The following LLPH variants were observed in gnomAD, a reference collection of about 807,000 sequenced individuals.
The protein encoded by LLPH is LLP homolog, long-term synaptic facilitation factor, also known as protein LLP homolog.
LLPH carries 5 observed loss-of-function variants against 13.3 expected under a neutral mutation model. That is an observed-to-expected ratio of 0.38 (90% CI 0.20 to 0.79). The LOEUF (loss-of-function observed/expected upper bound fraction) is 0.79. LLPH is among the 30% of genes least tolerant of loss of function. The pLI, the probability that LLPH is intolerant of heterozygous loss-of-function variation, is 0.45. For synonymous variants in LLPH, 32 were observed against 44.2 expected (o/e 0.72, Z 1.09); for missense variants, 129 against 152.1 (o/e 0.85, Z 0.80).
At position 66,123,464 on chromosome 12, in the gene LLPH, TTTC is replaced by T. The variant is rs1176199703; in HGVS notation, c.*373_*375del. On this transcript the variant is annotated 3_prime_UTR_variant, in exon 3 of 3. Transcript: ENST00000266604. Reference sequence around the variant, plus strand: ...TTAAATGATATGATTATACAACAACTTTCTTTAAAATCTAAGTTCACAAAAATT... The same window carrying T: ...TTAAATGATATGATTATACAACAACTTTTAAAATCTAAGTTCACAAAAATT... The T allele has an allele frequency of 1.1e-5, 2 of 186,374 alleles. No individual in the cohort carries two copies. The highest frequency in any genetic ancestry group is 4.7e-5 in the African/African-American group (2 of 42,408). 11.5% of individuals were successfully genotyped at this position (186,374 alleles called of 1,614,324 possible). A position where few individuals can be genotyped will look rare whatever the true frequency, so the allele number is the denominator to read the frequency against.
intron 2 of LLPH, 24 bp from the exon 3 acceptor site, chr12:66,124,042 A>G: frequency 6.5e-7 from 1 of 1,540,474 alleles, no homozygotes; most frequent in East Asian, 2.3e-5. Context: ...TGGAAAAACT[A>G]TTAACACCAT....
rs1425313916 is a variant in LLPH, at chr12:66,120,958, C to G, written c.*2882G>C. 6.6e-6 allele frequency: 1 copy of G among 152,176 alleles called. No homozygotes were observed. The highest frequency in any genetic ancestry group is 2.4e-5 in the African/African-American group (1 of 41,440). The allele number at this position is 152,176 out of a possible 1,614,324, so 9.4% of individuals were successfully genotyped here. The stretch of plus-strand genomic sequence containing the variant: ...GACAACACTGTGTCAGTAAACTTCT[C>G]TTCAGCAGTCGCCTTTCCAGAGGCC... On this transcript the variant is annotated 3_prime_UTR_variant, in exon 3 of 3. Transcript: ENST00000266604.
intron 2 of LLPH, among the ~76,000 whole-genome samples, chr12:66,124,697 T>C (rs753471839): frequency 9.9e-5 from 15 of 152,228 alleles, no homozygotes; most frequent in Non-Finnish European, 1.8e-4. Flanking sequence ...CTCGACTACC[T>C]GGCATTATAT....
chr12:66,129,658 T>G (rs2051522180), intron 1 of LLPH, among the ~76,000 whole-genome samples: 1 of 152,212 alleles, frequency 6.6e-6, no homozygotes, highest in Admixed American at 6.5e-5. Flanking sequence ...GTGCTGGGAT[T>G]ACAGGCTTGA....
chr12:66,122,166 C>G lies in LLPH; in HGVS notation c.*1674G>C, dbSNP rs2051467600. Reference sequence around the variant, plus strand: ...AACTATTGAGAAAAATAAGAAAAGTCTACTATATTTAAACAATTCCAAGAG... The same window carrying G: ...AACTATTGAGAAAAATAAGAAAAGTGTACTATATTTAAACAATTCCAAGAG... On this transcript the variant is annotated 3_prime_UTR_variant, in exon 3 of 3. Transcript: ENST00000266604. 1 of 152,094 alleles carries G rather than the reference C, an allele frequency of 6.6e-6. No homozygotes were observed. The highest frequency in any genetic ancestry group is 1.5e-5 in the Non-Finnish European group (1 of 68,006). 9.4% of individuals were successfully genotyped at this position (152,094 alleles called of 1,614,324 possible). A position where few individuals can be genotyped will look rare whatever the true frequency, so the allele number is the denominator to read the frequency against.
At position 66,128,954 on chromosome 12, in the gene LLPH, C is replaced by T. The variant is rs200162288; in HGVS notation, c.153G>A (p.Val51=). 4 of 1,613,388 alleles carry T rather than the reference C, an allele frequency of 2.5e-6. No individual in the cohort carries two copies. Among genetic ancestry groups the T allele is most frequent in the Non-Finnish European group, 3.4e-6 (4 of 1,179,652 alleles). ...MKDVQEIATV[V]VPKPKHCQEK... is the part of the protein sequence containing the mutation. ...CTTGGCAATGTTTGGGTTTGGGTAC[C>T]ACCACAGTTGCTATCTCTTGAACAT... Residue 51 remains valine (V), a synonymous_variant, in exon 2 of 3, where the codon GTG becomes GTA. Transcript: ENST00000266604.
At chr12:66,125,888 A>G (rs1258342350) in intron 2 of LLPH, among the ~76,000 whole-genome samples, 1 of 152,260 alleles carries the variant, frequency 6.6e-6, no homozygotes, top group East Asian at 1.9e-4. Flanking sequence ...TCCAAGAGGA[A>G]AGACAGATAA....
In LLPH at chr12:66,117,227, A is replaced by G. The variant is rs1339283444; in HGVS notation, c.*6613T>C. 2 of 152,242 alleles carry G rather than the reference A, an allele frequency of 1.3e-5. No individual in the cohort carries two copies. The highest frequency in any genetic ancestry group is 4.8e-5 in the African/African-American group (2 of 41,468). The allele number at this position is 152,242 out of a possible 1,614,324, so 9.4% of individuals were successfully genotyped here. On this transcript the variant is annotated 3_prime_UTR_variant, in exon 3 of 3. Transcript: ENST00000266604. ...AAAACTACAGTTGCATCTGTACTGAACATGTACCGACTTTTTTTCTTATCA... is the reference window on the plus strand; with the variant it reads ...AAAACTACAGTTGCATCTGTACTGAGCATGTACCGACTTTTTTTCTTATCA...
rs556700193 is a variant in LLPH at position 66,121,314 on chromosome 12, C to T, written c.*2526G>A. 1 of 136,526 alleles carries T rather than the reference C, an allele frequency of 7.3e-6. No homozygotes were observed. Among genetic ancestry groups the T allele is most frequent in the South Asian group, 2.3e-4 (1 of 4,256 alleles). 8.5% of individuals were successfully genotyped at this position (136,526 alleles called of 1,614,324 possible). ...TTTTTTTTTTTGAGATGGAGTTTCG[C>T]TCTTCTTGCTCAGGCTGGAGTGCAA... is the stretch of plus-strand genomic sequence containing the variant. On this transcript the variant is annotated 3_prime_UTR_variant, in exon 3 of 3. Coordinates refer to ENST00000266604, the MANE Select transcript of LLPH (RefSeq NM_032338.4).
In LLPH at chr12:66,129,133, A is replaced by C. The variant is rs1921080; in HGVS notation, c.-7-20T>G. 0.079 allele frequency: 118,055 copies of C among 1,490,258 alleles called. 9,869 individuals are homozygous for C. Among genetic ancestry groups the C allele is most frequent in the East Asian group, 0.52 (23,148 of 44,180 alleles). 92.3% of individuals were successfully genotyped at this position (1,490,258 alleles called of 1,614,324 possible). ...TTTTACCTGAAGTTAACAAAAACACACATTCAAAAGCAAATCTTTAATATA... is the reference window on the plus strand; with the variant it reads ...TTTTACCTGAAGTTAACAAAAACACCCATTCAAAAGCAAATCTTTAATATA... On this transcript the variant is annotated intron_variant, in intron 1 of 2. Transcript: ENST00000266604.
In LLPH at chr12:66,119,396, T is replaced by C. The variant is rs1413307487; in HGVS notation, c.*4444A>G. On this transcript the variant is annotated 3_prime_UTR_variant, in exon 3 of 3. Transcript: ENST00000266604. ...CAACTGCGGAAAATTTAGGGTTTTG[T>C]AAGCAGGCCCAAAAGTGGCCCTGGG... The C allele has an allele frequency of 6.6e-6, 1 of 152,200 alleles. No individual in the cohort carries two copies. The highest frequency in any genetic ancestry group is 6.5e-5 in the Admixed American group (1 of 15,270). 9.4% of individuals were successfully genotyped at this position (152,200 alleles called of 1,614,324 possible). A position where few individuals can be genotyped will look rare whatever the true frequency, so the allele number is the denominator to read the frequency against.
Position 66,121,548 on chromosome 12 carries a change from T to G in LLPH, c.*2292A>C, listed in dbSNP as rs1021713749. On this transcript the variant is annotated 3_prime_UTR_variant, in exon 3 of 3. Coordinates refer to ENST00000266604, the MANE Select transcript of LLPH (RefSeq NM_032338.4). The stretch of plus-strand genomic sequence containing the variant: ...CCATCTGCCTCAGCCTCCCAAATTG[T>G]TAGAATTTGGTGCCTGGCCCCCTTT... 1.3e-5 allele frequency: 2 copies of G among 151,510 alleles called. No individual in the cohort carries two copies. The highest frequency in any genetic ancestry group is 2.9e-5 in the Non-Finnish European group (2 of 67,940). The allele number at this position is 151,510 out of a possible 1,614,324, so 9.4% of individuals were successfully genotyped here.
At chr12:66,125,358 T>A (rs2051489645) in intron 2 of LLPH, among the ~76,000 whole-genome samples, 1 of 152,154 alleles carries the variant, frequency 6.6e-6, no homozygotes, top group Non-Finnish European at 1.5e-5. Context: ...GGTTTAGATG[T>A]GGGGAATAAA....
rs2051470057 is a variant in LLPH, at chr12:66,122,614, G to T, written c.*1226C>A. 1 of 152,172 alleles carries T rather than the reference G, an allele frequency of 6.6e-6. No homozygotes were observed. The highest frequency in any genetic ancestry group is 1.5e-5 in the Non-Finnish European group (1 of 68,024). The allele number at this position is 152,172 out of a possible 1,614,324, so 9.4% of individuals were successfully genotyped here. On this transcript the variant is annotated 3_prime_UTR_variant, in exon 3 of 3. Transcript: ENST00000266604. ...ATAAAAATGAATTTAGCAAACTGTAGTAAGACAGATTTAACTAAAAATCAT... is the reference window on the plus strand; with the variant it reads ...ATAAAAATGAATTTAGCAAACTGTATTAAGACAGATTTAACTAAAAATCAT...
Position 66,123,485 on chromosome 12 carries a change from CA to C in LLPH, c.*354del, listed in dbSNP as rs1347796111. 2 of 197,244 alleles carry C rather than the reference CA, an allele frequency of 1.0e-5. No homozygotes were observed. Among genetic ancestry groups the C allele is most frequent in the Non-Finnish European group, 2.0e-5 (2 of 98,532 alleles). 12.2% of individuals were successfully genotyped at this position (197,244 alleles called of 1,614,324 possible). On this transcript the variant is annotated 3_prime_UTR_variant, in exon 3 of 3. Transcript: ENST00000266604. Reference sequence around the variant, plus strand: ...CAACTTTCTTTAAAATCTAAGTTCACAAAAATTTGTCAGTACATCATCTGTT... The same window carrying C: ...CAACTTTCTTTAAAATCTAAGTTCACAAAATTTGTCAGTACATCATCTGTT...
rs1014617436 is a variant in LLPH, at chr12:66,120,712, A to G, written c.*3128T>C. The G allele has an allele frequency of 1.3e-5, 2 of 152,270 alleles. No homozygotes were observed. The highest frequency in any genetic ancestry group is 2.9e-5 in the Non-Finnish European group (2 of 68,052). 9.4% of individuals were successfully genotyped at this position (152,270 alleles called of 1,614,324 possible). On this transcript the variant is annotated 3_prime_UTR_variant, in exon 3 of 3. Coordinates refer to ENST00000266604, the MANE Select transcript of LLPH (RefSeq NM_032338.4). ...TTACAGCAATTCTCTGGAAAATGTC[A>G]GTCAAAAAGATGACAAATTTCAAAA...
In LLPH at chr12:66,123,756, G is replaced by T; in HGVS notation, c.*84C>A. 7.3e-7 allele frequency: 1 copy of T among 1,377,216 alleles called. No individual in the cohort carries two copies. The highest frequency in any genetic ancestry group is 9.8e-7 in the Non-Finnish European group (1 of 1,020,480). The allele number at this position is 1,377,216 out of a possible 1,614,324, so 85.3% of individuals were successfully genotyped here. On this transcript the variant is annotated 3_prime_UTR_variant, in exon 3 of 3. Transcript: ENST00000266604. The stretch of plus-strand genomic sequence containing the variant: ...TAGGAAAACAAATGGTTTTCATTTG[G>T]TGGCAGTTGAAATCAAAGTATACAT...
At position 66,119,179 on chromosome 12, in the gene LLPH, G is replaced by C. The variant is rs1213450007; in HGVS notation, c.*4661C>G. ...AAACTGTTTTCTCATCTGAAAATAG[G>C]GATAATTAAAGTATTGATCCCACAG... is the stretch of plus-strand genomic sequence containing the variant. On this transcript the variant is annotated 3_prime_UTR_variant, in exon 3 of 3. Transcript: ENST00000266604. The C allele has an allele frequency of 1.3e-5, 2 of 151,924 alleles. No homozygotes were observed. Among genetic ancestry groups the C allele is most frequent in the African/African-American group, 4.8e-5 (2 of 41,326 alleles). 9.4% of individuals were successfully genotyped at this position (151,924 alleles called of 1,614,324 possible).
At position 66,128,950 on chromosome 12, in the gene LLPH, G is replaced by A. The variant is rs559252022; in HGVS notation, c.157C>T (p.Pro53Ser). The A allele has an allele frequency of 3.7e-6, 6 of 1,613,362 alleles. No individual in the cohort carries two copies. In the Admixed American group the frequency reaches 8.3e-5, roughly 22 times the overall value. The change falls in exon 2 of 3, where the codon CCC becomes TCC. Residue 53 changes from proline to serine, a missense_variant. Physicochemically the swap from Pro to Ser is moderately conservative, Grantham distance 74. Coordinates refer to ENST00000266604, the MANE Select transcript of LLPH (RefSeq NM_032338.4). ...DVQEIATVVV[P>S]KPKHCQEKMQ... ...TTCTCTTGGCAATGTTTGGGTTTGG[G>A]TACCACCACAGTTGCTATCTCTTGA...
Sources: allele counts gnomAD v4.1 joint callset (sites outside exome capture counted in the v4.1 genomes callset), GRCh38; gene constraint gnomAD v4.1.1; transcripts MANE v1.5; gene names NCBI Gene and HGNC (gene_info 2026-07-23, HGNC 2026-07-21).